Variants in TPD52L1 observed in about 807,000 individuals in gnomAD.
The protein encoded by TPD52L1 is TPD52 like 1.
In TPD52L1, 18 loss-of-function variants were observed where a neutral mutation model predicts 28.7. The ratio of observed to expected loss-of-function variants is 0.63; its 90% confidence interval spans 0.43 to 0.93. The LOEUF (loss-of-function observed/expected upper bound fraction) is 0.93, where lower values mean the gene tolerates loss of function less well. Among genes scored for constraint, TPD52L1 ranks in the 40% least tolerant of loss-of-function variants. The pLI is 0.00. For synonymous variants in TPD52L1, 75 were observed against 88.8 expected (o/e 0.84, Z 0.88); for missense variants, 203 against 254.8 (o/e 0.80, Z 1.39).
At chr6:125,235,759 A>G (rs948524711) in intron 3 of TPD52L1, among the ~76,000 whole-genome samples, 1 of 152,272 alleles carries the variant, frequency 6.6e-6, no homozygotes, top group Non-Finnish European at 1.5e-5. Flanking sequence ...TATGATGGTT[A>G]GCTGGGCTCA....
At chr6:125,192,319 ATC>A (rs1278663630) in intron 1 of TPD52L1, among the ~76,000 whole-genome samples, 4 of 143,810 alleles carry the variant, frequency 2.8e-5, no homozygotes, top group African/African-American at 9.9e-5. Context: ...AACAAAAAAA[ATC>A]TTTTTTTTTT....
chr6:125,188,700 T>G (rs1430543435), intron 1 of TPD52L1, among the ~76,000 whole-genome samples: 1 of 152,186 alleles, frequency 6.6e-6, no homozygotes, highest in Non-Finnish European at 1.5e-5. Context: ...GCACACTGAG[T>G]TGGCTTAGTA....
intron 3 of TPD52L1, among the ~76,000 whole-genome samples, chr6:125,239,109 A>G (rs761814604): frequency 5.3e-5 from 8 of 152,142 alleles, no homozygotes; most frequent in Non-Finnish European, 8.8e-5. Flanking sequence ...AAAAGTATTC[A>G]CTTTTCACCA....
intron 3 of TPD52L1, 102 bp from the exon 4 acceptor site, chr6:125,248,180 C>G (rs1452423385): frequency 3.9e-5 from 36 of 934,816 alleles, no homozygotes; most frequent in Non-Finnish European, 5.5e-5. Context: ...CTTCCTAAAT[C>G]TGTTGAGGAA....
chr6:125,251,917 C>T (rs1419202362), intron 4 of TPD52L1: 15 of 1,170,094 alleles, frequency 1.3e-5, no homozygotes, highest in Non-Finnish European at 1.6e-5. Flanking sequence ...CCTGTCTGTG[C>T]TCTGGGGCCC....
chr6:125,169,653 G>T (rs1474512904), intron 1 of TPD52L1, among the ~76,000 whole-genome samples: 1 of 152,114 alleles, frequency 6.6e-6, no homozygotes, highest in Non-Finnish European at 1.5e-5. Context: ...TACCACCTCT[G>T]CTGGTATTGC....
intron 3 of TPD52L1, among the ~76,000 whole-genome samples, chr6:125,242,412 C>A (rs1264159928): frequency 6.6e-6 from 1 of 151,780 alleles, no homozygotes; most frequent in Non-Finnish European, 1.5e-5. Flanking sequence ...ACTATTATTG[C>A]ATTGCCATCT....
chr6:125,244,400 A>G (rs1355976213), intron 3 of TPD52L1, among the ~76,000 whole-genome samples: 2 of 152,186 alleles, frequency 1.3e-5, no homozygotes, highest in Non-Finnish European at 2.9e-5. Flanking sequence ...GGACCTCTCA[A>G]TTAGATGTGC....
chr6:125,203,952 C>T (rs375715158), intron 1 of TPD52L1, among the ~76,000 whole-genome samples: 6 of 152,154 alleles, frequency 3.9e-5, no homozygotes, highest in African/African-American at 1.2e-4. Context: ...TAAGGTGGAG[C>T]TTAGAACATA....
intron 1 of TPD52L1, among the ~76,000 whole-genome samples, chr6:125,172,149 TTTCTTTCTTTTCTTTC>T (rs1235981613): frequency 0.03 from 2,058 of 68,530 alleles, 13 homozygotes; most frequent in Non-Finnish European, 0.034. Flanking sequence ...TCTTTCTTTC[TTTCTTTCTTTTCTTTC>T]TTTCTTTCTT....
intron 1 of TPD52L1, among the ~76,000 whole-genome samples, chr6:125,219,164 T>C (rs1230614637): frequency 6.6e-6 from 1 of 152,228 alleles, no homozygotes; most frequent in African/African-American, 2.4e-5. Flanking sequence ...ATGTCATAGA[T>C]GAAGTTTCTC....
At chr6:125,162,050 A>C (rs1049057783) in intron 1 of TPD52L1, among the ~76,000 whole-genome samples, 2 of 152,194 alleles carry the variant, frequency 1.3e-5, no homozygotes, top group Admixed American at 6.5e-5. Flanking sequence ...TTTGTATTGA[A>C]GTTTAGGCAA....
intron 4 of TPD52L1, among the ~76,000 whole-genome samples, chr6:125,251,838 T>C (rs1797283692): frequency 6.6e-6 from 1 of 152,164 alleles, no homozygotes; most frequent in African/African-American, 2.4e-5. Flanking sequence ...AAGCAAAACT[T>C]GAGTTGGTAA....
chr6:125,229,791 C>T (rs191069776), intron 3 of TPD52L1, among the ~76,000 whole-genome samples: 22 of 152,204 alleles, frequency 1.4e-4, no homozygotes, highest in Non-Finnish European at 1.2e-4. Flanking sequence ...GGGTTTAGAC[C>T]AGTTTTAGAG....
At chr6:125,252,661 A>G (rs1237117433) in intron 4 of TPD52L1, 1 of 152,180 alleles carries the variant, frequency 6.6e-6, no homozygotes, top group African/African-American at 2.4e-5. Context: ...AGCGGTCTAT[A>G]TTTACAGAGA....
chr6:125,159,487 G>A (rs1465666985), intron 1 of TPD52L1, among the ~76,000 whole-genome samples: 1 of 152,130 alleles, frequency 6.6e-6, no homozygotes, highest in Non-Finnish European at 1.5e-5. Context: ...TTCCTCCACT[G>A]ACATCTTGGA....
At chr6:125,241,807 T>C (rs1796627990) in intron 3 of TPD52L1, among the ~76,000 whole-genome samples, 1 of 151,986 alleles carries the variant, frequency 6.6e-6, no homozygotes, top group Admixed American at 6.5e-5. Flanking sequence ...ATCTTTTTTT[T>C]GTCAGTTTCA....
At chr6:125,196,637 T>C (rs1435802800) in intron 1 of TPD52L1, among the ~76,000 whole-genome samples, 1 of 152,244 alleles carries the variant, frequency 6.6e-6, no homozygotes, top group Non-Finnish European at 1.5e-5. Flanking sequence ...ACTTTGGTGT[T>C]TATCAGATTC....
chr6:125,211,065 G>T lies in TPD52L1; in HGVS notation c.20-9013G>T, dbSNP rs575608559. ...CATTAGTCAGGTAAAGACACTTAAG[G>T]CACATAATTAGGCAAGTATGTAGTT... On this transcript the variant is annotated intron_variant, in intron 1 of 6. Transcript: ENST00000534000. Among the ~76,000 whole-genome samples the T allele has an allele frequency of 3.9e-5, 6 of 152,216 alleles. No homozygotes were observed. The East Asian group carries it at 7.7e-4, about 20-fold the overall frequency.
Sources: allele counts gnomAD v4.1 joint callset (sites outside exome capture counted in the v4.1 genomes callset), GRCh38; gene constraint gnomAD v4.1.1; transcripts MANE v1.5; gene names NCBI Gene and HGNC (gene_info 2026-07-23, HGNC 2026-07-21).